The following C5 variants were observed in gnomAD, a reference collection of about 807,000 sequenced individuals.
C5 encodes complement C5, also known as C3 and PZP-like alpha-2-macroglobulin domain-containing protein 4.
In C5, 140 loss-of-function variants were observed where a neutral mutation model predicts 218.8. The ratio of observed to expected loss-of-function variants is 0.64; its 90% CI spans 0.56 to 0.74. The LOEUF (loss-of-function observed/expected upper bound fraction) is 0.74, where lower values mean the gene tolerates loss of function less well. Among genes scored for constraint, C5 ranks in the 30% least tolerant of loss-of-function variants. The pLI, the probability that C5 is intolerant of heterozygous loss-of-function variation, is 0.00. For missense variants in C5, 1,700 were observed against 1,969.6 expected (o/e 0.86, Z 2.59); for synonymous variants, 614 against 682.3 (o/e 0.90, Z 1.56).
chr9:121,004,090 C>T (rs1231562687), intron 20 of C5, among the ~76,000 whole-genome samples: 2 of 151,888 alleles, frequency 1.3e-5, no homozygotes, highest in African/African-American at 4.8e-5. Flanking sequence ...AGGATGGTGT[C>T]GATCGCCTGA....
intron 14 of C5, 25 bp from the exon 15 acceptor site, chr9:121,016,408 G>C (rs1438329140): frequency 6.2e-7 from 1 of 1,613,422 alleles, no homozygotes; most frequent in Admixed American, 1.7e-5. Flanking sequence ...AAAATGTTGA[G>C]CACATTGAGA....
chr9:120,979,166 T>C (rs1399969347), intron 28 of C5, among the ~76,000 whole-genome samples: 2 of 152,222 alleles, frequency 1.3e-5, no homozygotes, highest in East Asian at 1.9e-4. Flanking sequence ...ACTGGCCTCC[T>C]TGCCATTCTT....
upstream of C5, among the ~76,000 whole-genome samples, chr9:121,051,321 A>G (rs972838473): frequency 6.6e-6 from 1 of 151,876 alleles, no homozygotes; most frequent in Admixed American, 6.6e-5. Context: ...GTAGGGTTTC[A>G]CCGTGTTGGC....
chr9:121,034,904 A>G lies in C5; in HGVS notation c.493-10T>C. Reference sequence around the variant, plus strand: ...CTGATCCTTCAGGATCCTGTAAATAAAAACAAACACCCTCAAAGGCCAGAA... The same window carrying G: ...CTGATCCTTCAGGATCCTGTAAATAGAAACAAACACCCTCAAAGGCCAGAA... On this transcript the variant is annotated splice_polypyrimidine_tract_variant and intron_variant, in intron 4 of 40. Coordinates refer to ENST00000223642, the MANE Select transcript of C5 (RefSeq NM_001735.3). 5 of 1,439,104 alleles carry G rather than the reference A, an allele frequency of 3.5e-6. No homozygotes were observed. Among genetic ancestry groups the G allele is most frequent in the Non-Finnish European group, 4.9e-6 (5 of 1,025,078 alleles). The allele number at this position is 1,439,104 out of a possible 1,614,324, so 89.1% of individuals were successfully genotyped here.
intron 4 of C5, among the ~76,000 whole-genome samples, chr9:121,036,136 G>C (rs2131806040): frequency 6.6e-6 from 1 of 152,182 alleles, no homozygotes; most frequent in Admixed American, 6.5e-5. Context: ...ATTCACAGTT[G>C]GATTTTAGAG....
At position 120,995,338 on chromosome 9, in the gene C5, A is replaced by G. The variant is rs566729922; in HGVS notation, c.2851+902T>C. 3.9e-5 allele frequency among the ~76,000 whole-genome samples: 6 copies of G among 152,330 alleles called. No individual in the cohort carries two copies. In the South Asian group the frequency reaches 8.3e-4, roughly 21 times the overall value. ...AGATAAGTTGTAAGCATTTAATAAG[A>G]ACTGCAGTAATCTGTCTTCTTTAGT... On this transcript the variant is annotated intron_variant, in intron 22 of 40. Coordinates refer to ENST00000223642, the MANE Select transcript of C5 (RefSeq NM_001735.3).
At chr9:121,070,581 G>A in the C5 span, among the ~76,000 whole-genome samples, 2 of 151,390 alleles carry the variant, frequency 1.3e-5, no homozygotes, top group Non-Finnish European at 2.9e-5. Flanking sequence ...ACAGCAACAC[G>A]GATGGAAATG....
intron 21 of C5, among the ~76,000 whole-genome samples, chr9:120,996,700 G>A (rs570328568): frequency 1.3e-5 from 2 of 152,286 alleles, no homozygotes; most frequent in African/African-American, 4.8e-5. Flanking sequence ...CAGCAGCCTC[G>A]CTCCAGAGAC....
chr9:121,007,880 G>A (rs567847534), intron 18 of C5, among the ~76,000 whole-genome samples: 22 of 152,294 alleles, frequency 1.4e-4, no homozygotes, highest in African/African-American at 5.1e-4. Flanking sequence ...GGAGATGCGT[G>A]AGGAGACAAC....
At chr9:121,064,102 T>C in the C5 span, among the ~76,000 whole-genome samples, 1 of 152,198 alleles carries the variant, frequency 6.6e-6, no homozygotes, top group Non-Finnish European at 1.5e-5. Context: ...CACTTTGTTC[T>C]TGTTGTTCTT....
chr9:120,952,535 A>C lies in C5; in HGVS notation c.*204T>G, dbSNP rs2046751808. ...TAACCTTGGAGGAGTATCTGTCTTC[A>C]TGCCCTCCAAGGCCATGTTATTTCA... On this transcript the variant is annotated 3_prime_UTR_variant, in exon 41 of 41. Coordinates refer to ENST00000223642, the MANE Select transcript of C5 (RefSeq NM_001735.3). The C allele has an allele frequency of 2.0e-6, 1 of 492,936 alleles. No homozygotes were observed. The highest frequency in any genetic ancestry group is 2.0e-5 in the African/African-American group (1 of 50,962). The allele number at this position is 492,936 out of a possible 1,614,324, so 30.5% of individuals were successfully genotyped here.
intron 3 of C5, among the ~76,000 whole-genome samples, chr9:121,041,297 CTTTTTTT>C (rs386416117): frequency 1.2e-4 from 9 of 72,674 alleles, no homozygotes; most frequent in Admixed American, 7.0e-4. Flanking sequence ...TACATGAAGC[CTTTTTTT>C]TTTTTTTTTT....
intron 29 of C5, among the ~76,000 whole-genome samples, chr9:120,975,839 C>T (rs988936688): frequency 1.3e-5 from 2 of 152,166 alleles, no homozygotes; most frequent in African/African-American, 4.8e-5. Flanking sequence ...ATGTCCATTG[C>T]ATTTAGCAGG....
At position 121,046,369 on chromosome 9, in the gene C5, G is replaced by A. The variant is rs1311952754; in HGVS notation, c.80C>T (p.Ala27Val). The A allele has an allele frequency of 1.2e-6, 2 of 1,610,930 alleles. No homozygotes were observed. The highest frequency in any genetic ancestry group is 1.1e-5 in the South Asian group (1 of 91,018). Residue 27 changes from alanine to valine, a missense_variant, in exon 2 of 41, where the codon GCA (alanine) becomes GTA (valine). Coordinates refer to ENST00000223642, the MANE Select transcript of C5 (RefSeq NM_001735.3). The part of the protein sequence containing the change: ...WGQEQTYVIS[A>V]PKIFRVGASE... ...TGCTCCAACACGGAATATTTTTGGT[G>A]CTGAAATGACATATCTGTTGAAAAA...
intron 31 of C5, among the ~76,000 whole-genome samples, chr9:120,970,885 C>G (rs945022400): frequency 6.6e-6 from 1 of 152,080 alleles, no homozygotes; most frequent in South Asian, 2.1e-4. Flanking sequence ...AAATTTGCAC[C>G]TGCCAGCTGG....
intron 20 of C5, among the ~76,000 whole-genome samples, chr9:121,002,191 C>A (rs1377382593): frequency 1.6e-5 from 2 of 123,972 alleles, no homozygotes; most frequent in African/African-American, 5.7e-5. Context: ...TAGATATGTA[C>A]ATATACGTAT....
At chr9:121,011,568 G>C (rs1216247412) in intron 17 of C5, among the ~76,000 whole-genome samples, 2 of 152,058 alleles carry the variant, frequency 1.3e-5, no homozygotes, top group Admixed American at 1.3e-4. Flanking sequence ...CAGTTTGGAG[G>C]TTCCTTAAAA....
chr9:120,970,833 A>G (rs542535049), intron 31 of C5, among the ~76,000 whole-genome samples: 2 of 152,344 alleles, frequency 1.3e-5, no homozygotes, highest in East Asian at 1.9e-4. Flanking sequence ...TGCTCAGAAC[A>G]TGCAATTTAA....
intron 37 of C5, among the ~76,000 whole-genome samples, 158 bp from the exon 38 acceptor site, chr9:120,960,495 G>C (rs2046819082): frequency 6.6e-6 from 1 of 152,134 alleles, no homozygotes; most frequent in African/African-American, 2.4e-5. Flanking sequence ...CTTTCATAAA[G>C]TGAAATATTA....
Sources: allele counts gnomAD v4.1 joint callset (sites outside exome capture counted in the v4.1 genomes callset), GRCh38; gene constraint gnomAD v4.1.1; transcripts MANE v1.5; gene names NCBI Gene and HGNC (gene_info 2026-07-23, HGNC 2026-07-21).